The following GPC6 variants were observed in gnomAD, a reference collection of about 807,000 sequenced individuals.
GPC6 encodes glypican 6.
Under a neutral mutation model 55.2 loss-of-function variants are expected in GPC6, and 14 were observed. The observed-to-expected ratio is 0.25, with a 90% confidence interval of 0.17 to 0.40. GPC6 has a LOEUF of 0.40. GPC6 is among the 10% of genes least tolerant of loss of function. GPC6 has a pLI of 1.00. For missense variants in GPC6, 641 were observed against 708.5 expected, an observed-to-expected ratio of 0.90 and a Z score of 1.08; for synonymous variants, 278 against 259.6, an observed-to-expected ratio of 1.07 and a Z score of -0.68.
intron 6 of GPC6, among the ~76,000 whole-genome samples, chr13:94,374,745 C>T (rs1288769983): frequency 7.0e-6 from 1 of 143,718 alleles, no homozygotes; most frequent in Non-Finnish European, 1.5e-5. Context: ...CACCCCAAAT[C>T]AACAGAATAT....
intron 1 of GPC6, among the ~76,000 whole-genome samples, chr13:93,251,965 G>A (rs889857734): frequency 6.6e-5 from 10 of 152,180 alleles, no homozygotes; most frequent in African/African-American, 2.2e-4. Flanking sequence ...TTTTTCACAG[G>A]TTTCTGTTTG....
At chr13:93,973,348 G>T (rs1594633058) in intron 3 of GPC6, among the ~76,000 whole-genome samples, 1 of 152,142 alleles carries the variant, frequency 6.6e-6, no homozygotes, top group South Asian at 2.1e-4. Context: ...AATATATGCA[G>T]TCCATCATTG....
At chr13:93,504,779 T>C (rs1880648905) in intron 1 of GPC6, among the ~76,000 whole-genome samples, 1 of 152,178 alleles carries the variant, frequency 6.6e-6, no homozygotes, top group Non-Finnish European at 1.5e-5. Context: ...GTTCCTACTA[T>C]CTGCCATTCA....
At chr13:93,604,531 A>G (rs1014246364) in intron 2 of GPC6, among the ~76,000 whole-genome samples, 12 of 152,140 alleles carry the variant, frequency 7.9e-5, no homozygotes, top group African/African-American at 2.7e-4. Flanking sequence ...GAGGTTGATG[A>G]TCTTCTTTAA....
At chr13:93,783,563 G>GATCTATCTGTCTATCTATCT (rs1451708509) in intron 2 of GPC6, among the ~76,000 whole-genome samples, 24 of 138,650 alleles carry the variant, frequency 1.7e-4, no homozygotes, top group African/African-American at 6.4e-4. Context: ...GTGGTTTTGA[G>GATCTATCTGTCTATCTATCT]ATCTATCTAT....
At chr13:94,028,661 T>A (rs1181208615) in intron 4 of GPC6, among the ~76,000 whole-genome samples, 2 of 152,160 alleles carry the variant, frequency 1.3e-5, no homozygotes, top group Non-Finnish European at 2.9e-5. Flanking sequence ...TCTCATTCTG[T>A]GGAAAAGAAG....
At chr13:93,723,914 G>A (rs1024352729) in intron 2 of GPC6, among the ~76,000 whole-genome samples, 1 of 151,818 alleles carries the variant, frequency 6.6e-6, no homozygotes, top group Non-Finnish European at 1.5e-5. Context: ...CCAGCAATTC[G>A]GATCAACCTT....
chr13:93,332,099 T>C (rs1486258429), intron 1 of GPC6, among the ~76,000 whole-genome samples: 1 of 152,046 alleles, frequency 6.6e-6, no homozygotes, highest in East Asian at 1.9e-4. Context: ...TCTTTATTCA[T>C]TTATTCGTTA....
intron 4 of GPC6, among the ~76,000 whole-genome samples, chr13:94,039,898 C>T (rs941006357): frequency 2.0e-5 from 3 of 151,888 alleles, no homozygotes; most frequent in Non-Finnish European, 4.4e-5. Context: ...TGTCTATATG[C>T]TCCAACCTCT....
intron 2 of GPC6, among the ~76,000 whole-genome samples, chr13:93,562,650 C>T (rs1875873788): frequency 6.6e-6 from 1 of 152,120 alleles, no homozygotes; most frequent in African/African-American, 2.4e-5. Flanking sequence ...AGAAAAAGCT[C>T]CTTTGTTTCC....
intron 2 of GPC6, among the ~76,000 whole-genome samples, chr13:93,580,457 A>G (rs1282605108): frequency 6.6e-6 from 1 of 152,230 alleles, no homozygotes; most frequent in Non-Finnish European, 1.5e-5. Flanking sequence ...CGAAGACTAC[A>G]TTATACACAT....
At chr13:93,448,233 A>T (rs60283632) in intron 1 of GPC6, among the ~76,000 whole-genome samples, 3,071 of 152,288 alleles carry the variant, frequency 0.02, 112 homozygotes, top group African/African-American at 0.07. Context: ...AATATAGCTT[A>T]AAAATTCCTG....
intron 4 of GPC6, among the ~76,000 whole-genome samples, chr13:94,163,134 G>A (rs1888226659): frequency 6.6e-6 from 1 of 152,046 alleles, no homozygotes; most frequent in Non-Finnish European, 1.5e-5. Context: ...ATAAAATATT[G>A]TGCCAGTATT....
chr13:94,264,465 A>T (rs897851806), intron 4 of GPC6, among the ~76,000 whole-genome samples: 1 of 152,204 alleles, frequency 6.6e-6, no homozygotes, highest in African/African-American at 2.4e-5. Flanking sequence ...AAGGATCTGA[A>T]GTCCTCTCAT....
chr13:93,355,337 G>A (rs942704650), intron 1 of GPC6, among the ~76,000 whole-genome samples: 1 of 152,170 alleles, frequency 6.6e-6, no homozygotes, highest in Admixed American at 6.5e-5. Flanking sequence ...ATGACACTAG[G>A]TGAAATAGGA....
chr13:94,241,052 T>C (rs1287462551), intron 4 of GPC6, among the ~76,000 whole-genome samples: 1 of 152,172 alleles, frequency 6.6e-6, no homozygotes, highest in Non-Finnish European at 1.5e-5. Flanking sequence ...GTGGAGCTTT[T>C]GAGATGTAAT....
chr13:93,827,980 T>C (rs1367769854), intron 2 of GPC6, among the ~76,000 whole-genome samples: 3 of 152,168 alleles, frequency 2.0e-5, no homozygotes, highest in Admixed American at 6.5e-5. Context: ...TCTCAAGACT[T>C]TGGAAAGCAA....
chr13:94,129,096 G>C (rs767285333), intron 4 of GPC6, among the ~76,000 whole-genome samples: 2 of 152,102 alleles, frequency 1.3e-5, no homozygotes, highest in Non-Finnish European at 2.9e-5. Context: ...GGCATTTATA[G>C]TATTCAGTTA....
At chr13:93,291,046 GA>G (rs1474856170) in intron 1 of GPC6, among the ~76,000 whole-genome samples, 1 of 152,112 alleles carries the variant, frequency 6.6e-6, no homozygotes, top group Non-Finnish European at 1.5e-5. Flanking sequence ...CGTCTATTAG[GA>G]AAATTAATTA....
Sources: gnomAD v4.1 joint callset for allele counts (sites outside exome capture counted in the v4.1 genomes callset) on GRCh38, gnomAD v4.1.1 for gene constraint, MANE v1.5 for transcripts, NCBI Gene and HGNC (gene_info 2026-07-23, HGNC 2026-07-21) for gene names.